The following RBBP8NL variants were observed in gnomAD, a reference collection of about 807,000 sequenced individuals.
The protein encoded by RBBP8NL is RBBP8 N-terminal-like protein.
A neutral mutation model predicts 62.2 loss-of-function variants in RBBP8NL; 59 were observed. The ratio of observed to expected loss-of-function variants is 0.95; its 90% CI spans 0.77 to 1.18. The LOEUF (loss-of-function observed/expected upper bound fraction) is 1.18, where lower values mean the gene tolerates loss of function less well. RBBP8NL is among the 50% of genes most tolerant of loss of function. RBBP8NL has a pLI of 0.00. For missense variants in RBBP8NL, 896 were observed against 899.5 expected, an observed-to-expected ratio of 1.00 and a Z score of 0.05; for synonymous variants, 412 against 394.1, an observed-to-expected ratio of 1.05 and a Z score of -0.54.
chr20:62,421,963 C>T (rs933302471), intron 1 of RBBP8NL, among the ~76,000 whole-genome samples: 4 of 152,140 alleles, frequency 2.6e-5, no homozygotes, highest in Admixed American at 6.5e-5. Context: ...ACCACTGGTG[C>T]GTCACCTGAA....
intron 11 of RBBP8NL, 25 bp from the exon 12 acceptor site, chr20:62,412,925 AG>A: frequency 1.2e-6 from 2 of 1,611,862 alleles, no homozygotes; most frequent in South Asian, 2.2e-5. Flanking sequence ...GTGTGGGGTC[AG>A]GCCAGGCTGG....
At chr20:62,411,129 C>T (rs1988425337) in intron 13 of RBBP8NL, 133 bp from the exon 14 acceptor site, 2 of 671,494 alleles carry the variant, frequency 3.0e-6, no homozygotes, top group Non-Finnish European at 5.3e-6. Context: ...GCTGGCCACC[C>T]TTGTTCCTAC....
Position 62,415,834 on chromosome 20 carries a change from G to T in RBBP8NL, c.498C>A (p.His166Gln). Reference protein sequence around the residue: ...KAITEKPPGGHEEAEEDHQGV... With the variant: ...KAITEKPPGGQEEAEEDHQGV... ...CCTGGTGGTCTTCCTCAGCCTCCTCGTGGCCTCCCGGTGGCTTCTCTGTGA... is the reference window on the plus strand; with the variant it reads ...CCTGGTGGTCTTCCTCAGCCTCCTCTTGGCCTCCCGGTGGCTTCTCTGTGA... Residue 166 changes from histidine to glutamine, a missense_variant, in exon 7 of 14, where the codon CAC (histidine) becomes CAA (glutamine). His to Gln is a conservative substitution (Grantham distance 24, BLOSUM62 0). Coordinates refer to ENST00000252998, the MANE Select transcript of RBBP8NL (RefSeq NM_080833.3). 6.2e-7 allele frequency: 1 copy of T among 1,612,394 alleles called. No individual in the cohort carries two copies. The highest frequency in any genetic ancestry group is 8.5e-7 in the Non-Finnish European group (1 of 1,179,852).
intron 6 of RBBP8NL, 32 bp downstream of exon 6, chr20:62,416,132 G>A (rs1601487301): frequency 1.3e-6 from 2 of 1,592,226 alleles, no homozygotes; most frequent in East Asian, 2.2e-5. Context: ...GGGGAGTTGG[G>A]TGTCTGAGCC....
rs1373842398 is a variant in RBBP8NL at position 62,415,165 on chromosome 20, G to C, written c.750C>G (p.Ser250Arg). 2.6e-6 allele frequency: 4 copies of C among 1,517,150 alleles called. No individual in the cohort carries two copies. The highest frequency in any genetic ancestry group is 3.5e-6 in the Non-Finnish European group (4 of 1,130,822). The allele number at this position is 1,517,150 out of a possible 1,614,324, so 94.0% of individuals were successfully genotyped here. A position where few individuals can be genotyped will look rare whatever the true frequency, so the allele number is the denominator to read the frequency against. The change falls in exon 9 of 14, where the codon AGC becomes AGG. Residue 250 changes from serine to arginine, a missense_variant. By Grantham distance (110) the Ser-to-Arg change is moderately radical. Transcript: ENST00000252998. ...GCTCATACGCTGGGCTGGGTGGGCT[G>C]CTCCTGGCGGGCAGTGGTGGGGGCG... ...NGTPPPLPAR[S>R]SPPSPAYERG... is the part of the protein sequence containing the mutation.
Position 62,414,556 on chromosome 20 carries a change from G to C in RBBP8NL, c.795C>G (p.Ser265Arg). 7.0e-7 allele frequency: 1 copy of C among 1,423,594 alleles called. No individual in the cohort carries two copies. The allele number at this position is 1,423,594 out of a possible 1,614,324, so 88.2% of individuals were successfully genotyped here. A position where few individuals can be genotyped will look rare whatever the true frequency, so the allele number is the denominator to read the frequency against. ...PAYERGLSLD[S>R]FLRASRPSAM... is the part of the protein sequence containing the mutation. ...CGGAGGGCCGGGAGGCCCGCAGGAA[G>C]CTGTGAGGGAGGAGAAGCCGAATGA... Residue 265 changes from serine to arginine, a missense_variant and splice_region_variant, in exon 10 of 14, where the codon AGC becomes AGG. Coordinates refer to ENST00000252998, the MANE Select transcript of RBBP8NL (RefSeq NM_080833.3).
Position 62,415,929 on chromosome 20 carries a change from G to A in RBBP8NL, c.403C>T (p.Arg135Trp), listed in dbSNP as rs561513815. 2.4e-5 allele frequency: 37 copies of A among 1,548,776 alleles called. No individual in the cohort carries two copies. The highest frequency in any genetic ancestry group is 1.4e-4 in the East Asian group (6 of 41,542). The change falls in exon 7 of 14, where the codon CGG becomes TGG. Residue 135 changes from arginine (R) to tryptophan (W), a missense_variant. Arg to Trp is a moderately radical substitution (Grantham distance 101, BLOSUM62 -3). Transcript: ENST00000252998. ...GGGTCCGAGGTGCCCTCCTTGGCCC[G>A]GGGCTTGGGCCTGTCTCTAGAGGGG... is the stretch of plus-strand genomic sequence containing the variant. The part of the protein sequence containing the change: ...LRGLGDRPKP[R>W]AKEGTSDPPS...
intron 4 of RBBP8NL, 95 bp from the exon 5 acceptor site, chr20:62,416,967 C>A: frequency 9.9e-7 from 1 of 1,012,206 alleles, no homozygotes; most frequent in Non-Finnish European, 1.5e-6. Context: ...AGTGCCCCTG[C>A]CCTTTGCAAA....
At chr20:62,418,193 G>A (rs548673334) in intron 3 of RBBP8NL, among the ~76,000 whole-genome samples, 1 of 152,198 alleles carries the variant, frequency 6.6e-6, no homozygotes, top group Non-Finnish European at 1.5e-5. Context: ...GAAGCCCCGA[G>A]TAGGGGGCTT....
rs756240137 is a variant in RBBP8NL, at chr20:62,416,115, G to T, written c.386+49C>A. Reference sequence around the variant, plus strand: ...GGACGTGTGCTGGGTGCTGCTCGGGGGGTGCTGGGGAGTTGGGTGTCTGAG... The same window carrying T: ...GGACGTGTGCTGGGTGCTGCTCGGGTGGTGCTGGGGAGTTGGGTGTCTGAG... On this transcript the variant is annotated intron_variant, in intron 6 of 13. Coordinates refer to ENST00000252998, the MANE Select transcript of RBBP8NL (RefSeq NM_080833.3). 5.1e-6 allele frequency: 8 copies of T among 1,558,634 alleles called. No individual in the cohort carries two copies. The Admixed American group carries it at 1.4e-4, about 28-fold the overall frequency.
At position 62,412,676 on chromosome 20, in the gene RBBP8NL, G is replaced by T; in HGVS notation, c.1824C>A (p.His608Gln). The change falls in exon 13 of 14, where the codon CAC becomes CAA. Residue 608 changes from histidine (H) to glutamine (Q), a missense_variant. Transcript: ENST00000252998. ...EGPECICTQE[H>Q]GQGPPRKRKR... ...TCCTCTTCCGTGGTGGACCCTGCCC[G>T]TGCTCCTGGGTGCAGATGCACTCAG... is the stretch of plus-strand genomic sequence containing the variant. 3 of 1,608,476 alleles carry T rather than the reference G, an allele frequency of 1.9e-6. No homozygotes were observed. The highest frequency in any genetic ancestry group is 2.5e-6 in the Non-Finnish European group (3 of 1,179,926).
intron 11 of RBBP8NL, 49 bp downstream of exon 11, chr20:62,413,352 T>C (rs566539480): frequency 7.3e-7 from 1 of 1,374,198 alleles, no homozygotes; most frequent in African/African-American, 1.5e-5. Flanking sequence ...TCTCTCTCCG[T>C]GGGGAAAACA....
At chr20:62,421,847 ATG>A (rs1339840178) in intron 1 of RBBP8NL, among the ~76,000 whole-genome samples, 1 of 144,220 alleles carries the variant, frequency 6.9e-6, no homozygotes, top group Non-Finnish European at 1.5e-5. Flanking sequence ...GCCAGTGTGC[ATG>A]TGTGTGTGCC....
At position 62,416,246 on chromosome 20, in the gene RBBP8NL, G is replaced by C. The variant is rs200459004; in HGVS notation, c.314-10C>G. The C allele has an allele frequency of 3.7e-5, 49 of 1,325,208 alleles. No individual in the cohort carries two copies. Among genetic ancestry groups the C allele is most frequent in the Non-Finnish European group, 4.7e-5 (46 of 987,430 alleles). 82.1% of individuals were successfully genotyped at this position (1,325,208 alleles called of 1,614,324 possible). A position where few individuals can be genotyped will look rare whatever the true frequency, so the allele number is the denominator to read the frequency against. ...CCGTTCATCTCGTTGGCTGCAAAAG[G>C]CACTGATGAGCAAAGCAGCCAGGGG... On this transcript the variant is annotated splice_polypyrimidine_tract_variant and intron_variant, in intron 5 of 13. Transcript: ENST00000252998.
At chr20:62,415,708 G>C (rs946144666) in intron 7 of RBBP8NL, 48 bp from the exon 8 acceptor site, 25 of 1,609,956 alleles carry the variant, frequency 1.6e-5, no homozygotes, top group Non-Finnish European at 2.1e-5. Context: ...TGCTCAGAGG[G>C]GCAGCGGCCC....
chr20:62,414,121 G>T lies in RBBP8NL; in HGVS notation c.1230C>A (p.Gly410=), dbSNP rs1187308364. Residue 410 remains glycine (G), a synonymous_variant, in exon 10 of 14, where the codon GGC becomes GGA. Coordinates refer to ENST00000252998, the MANE Select transcript of RBBP8NL (RefSeq NM_080833.3). ...EGTRAALAAA[G]LSGGRHTQPA... is the part of the protein sequence containing the mutation. ...GCTGTGTGTGCCGCCCTCCAGACAG[G>T]CCTGCTGCGGCCAGAGCTGCCCTGG... 3 of 1,596,042 alleles carry T rather than the reference G, an allele frequency of 1.9e-6. No homozygotes were observed. The highest frequency in any genetic ancestry group is 2.6e-6 in the Non-Finnish European group (3 of 1,173,368).
chr20:62,422,761 C>A (rs151150089), intron 1 of RBBP8NL, among the ~76,000 whole-genome samples: 1 of 151,832 alleles, frequency 6.6e-6, no homozygotes, highest in Non-Finnish European at 1.5e-5. Context: ...GCATTAGTGC[C>A]GAGCCTGGTG....
chr20:62,410,808 G>A lies in RBBP8NL; in HGVS notation c.*70C>T. On this transcript the variant is annotated 3_prime_UTR_variant, in exon 14 of 14. Coordinates refer to ENST00000252998, the MANE Select transcript of RBBP8NL (RefSeq NM_080833.3). ...GGGCTGCCTGCTGGTTGGATGGTGTGCCCTCTCCAGGCCCTGGTGGGCAGG... is the reference window on the plus strand; with the variant it reads ...GGGCTGCCTGCTGGTTGGATGGTGTACCCTCTCCAGGCCCTGGTGGGCAGG... 3.9e-6 allele frequency: 4 copies of A among 1,037,146 alleles called. No homozygotes were observed. Among genetic ancestry groups the A allele is most frequent in the Non-Finnish European group, 5.9e-6 (4 of 678,300 alleles). 64.2% of individuals were successfully genotyped at this position (1,037,146 alleles called of 1,614,324 possible).
intron 1 of RBBP8NL, among the ~76,000 whole-genome samples, chr20:62,421,096 G>A (rs1306250861): frequency 6.6e-6 from 1 of 152,222 alleles, no homozygotes; most frequent in Non-Finnish European, 1.5e-5. Flanking sequence ...TGGGAGGTTG[G>A]GATACCGGTC....
Sources: gnomAD v4.1 joint callset for allele counts (sites outside exome capture counted in the v4.1 genomes callset) on GRCh38, gnomAD v4.1.1 for gene constraint, MANE v1.5 for transcripts, NCBI Gene and HGNC (gene_info 2026-07-23, HGNC 2026-07-21) for gene names.